TPRG1: variants seen among roughly 807,000 people sequenced by gnomAD.
The protein encoded by TPRG1 is tumor protein p63 regulated 1.
In TPRG1, 29 loss-of-function variants were observed where a neutral mutation model predicts 29.3. That is an observed-to-expected ratio of 0.99 (90% CI 0.74 to 1.35). The LOEUF is 1.35. Ranked by LOEUF, TPRG1 falls within the 40% of genes most tolerant of loss-of-function variation. The pLI, the probability that TPRG1 is intolerant of heterozygous loss-of-function variation, is 0.00. For synonymous variants in TPRG1, 130 were observed against 116.8 expected (o/e 1.11, Z -0.73); for missense variants, 327 against 335.0 (o/e 0.98, Z 0.19).
rs941751253 is a variant in TPRG1 at position 189,253,764 on chromosome 3, C to T, written c.479+14855C>T. ...TCTCCACATCCTCTCCAGCATCTGT[C>T]GTTTCCTAACTTTTTAATGATCACA... On this transcript the variant is annotated intron_variant, in intron 4 of 5. Coordinates refer to ENST00000345063, the MANE Select transcript of TPRG1 (RefSeq NM_198485.4). Among the ~76,000 whole-genome samples the T allele has an allele frequency of 5.9e-5, 9 of 152,242 alleles. No individual in the cohort carries two copies. The South Asian group carries it at 8.3e-4, about 14-fold the overall frequency.
intron 3 of TPRG1, chr3:189,219,510 G>T: frequency 4.1e-6 from 4 of 964,470 alleles, no homozygotes; most frequent in South Asian, 1.7e-5. Context: ...TTTCTTATTG[G>T]CCCTTCTGAA....
intron 1 of TPRG1, among the ~76,000 whole-genome samples, chr3:189,115,422 T>A (rs1310048461): frequency 3.3e-5 from 5 of 152,306 alleles, no homozygotes; most frequent in African/African-American, 9.6e-5. Context: ...TTTGATAATT[T>A]TGTAGGCCAA....
intron 3 of TPRG1, among the ~76,000 whole-genome samples, chr3:189,215,686 A>T: frequency 6.6e-6 from 1 of 152,076 alleles, no homozygotes; most frequent in Admixed American, 6.5e-5. Context: ...TCTCATTCTA[A>T]TCTCTTATTT....
intron 4 of TPRG1, among the ~76,000 whole-genome samples, chr3:189,246,702 C>G (rs1741430554): frequency 6.6e-6 from 1 of 151,888 alleles, no homozygotes; most frequent in Non-Finnish European, 1.5e-5. Context: ...CCTAGTTTTT[C>G]TTTCTGAAAA....
intron 3 of TPRG1, among the ~76,000 whole-genome samples, chr3:189,134,456 A>G (rs1723495737): frequency 8.0e-6 from 1 of 125,372 alleles, no homozygotes; most frequent in African/African-American, 3.0e-5. Context: ...TTTGTTGCCC[A>G]GGATGGAGCA....
chr3:189,282,973 T>C (rs1717414303), intron 4 of TPRG1, among the ~76,000 whole-genome samples: 1 of 152,240 alleles, frequency 6.6e-6, no homozygotes, highest in South Asian at 2.1e-4. Flanking sequence ...CCTTGCATGC[T>C]GGGGCTGGTT....
chr3:189,291,296 A>C (rs915191397), intron 4 of TPRG1, among the ~76,000 whole-genome samples: 2 of 152,100 alleles, frequency 1.3e-5, no homozygotes, highest in Non-Finnish European at 2.9e-5. Flanking sequence ...ATCCAACCAA[A>C]CAGAAATAAT....
At chr3:189,196,652 A>G (rs1186033316) in intron 1 of TPRG1, among the ~76,000 whole-genome samples, 1 of 152,146 alleles carries the variant, frequency 6.6e-6, no homozygotes, top group Non-Finnish European at 1.5e-5. Context: ...GGTCCCTCCC[A>G]TGACACTGTG....
chr3:189,094,129 C>T (rs1718519356), intron 4 of TPRG1, among the ~76,000 whole-genome samples: 1 of 152,124 alleles, frequency 6.6e-6, no homozygotes. Context: ...CCATGAAATT[C>T]TTGGGTTCAG....
chr3:189,090,576 A>G (rs1393375940), intron 4 of TPRG1, among the ~76,000 whole-genome samples: 1 of 152,076 alleles, frequency 6.6e-6, no homozygotes, highest in Non-Finnish European at 1.5e-5. Context: ...AATTAGGTAT[A>G]TAGAAGGTTA....
intron 1 of TPRG1, among the ~76,000 whole-genome samples, chr3:189,109,645 C>T (rs1720266664): frequency 6.6e-6 from 1 of 152,182 alleles, no homozygotes; most frequent in Admixed American, 6.5e-5. Context: ...CTGAGAGGCA[C>T]ACTTGCTTAC....
chr3:189,032,049 A>T (rs2152130027), intron 4 of TPRG1, among the ~76,000 whole-genome samples: 1 of 152,282 alleles, frequency 6.6e-6, no homozygotes, highest in Non-Finnish European at 1.5e-5. Flanking sequence ...CCACATCCTA[A>T]TGTTTGTAAC....
chr3:189,049,671 C>T (rs1715191745), intron 4 of TPRG1, among the ~76,000 whole-genome samples: 1 of 152,192 alleles, frequency 6.6e-6, no homozygotes, highest in South Asian at 2.1e-4. Flanking sequence ...AAAGCGCCAC[C>T]TCCTGGCCCA....
At chr3:189,299,943 G>T (rs368702166) in intron 4 of TPRG1, among the ~76,000 whole-genome samples, 1 of 152,186 alleles carries the variant, frequency 6.6e-6, no homozygotes, top group African/African-American at 2.4e-5. Context: ...GGCTGAGAAA[G>T]TGTTTCTGAA....
intron 3 of TPRG1, among the ~76,000 whole-genome samples, chr3:189,020,506 A>T (rs1713236853): frequency 6.6e-6 from 1 of 151,240 alleles, no homozygotes; most frequent in Non-Finnish European, 1.5e-5. Context: ...GTCATTCAGG[A>T]GCAGGTTGTT....
At chr3:189,010,178 T>C (rs1712522931) in intron 3 of TPRG1, among the ~76,000 whole-genome samples, 1 of 152,196 alleles carries the variant, frequency 6.6e-6, no homozygotes, top group Non-Finnish European at 1.5e-5. Context: ...CCACATTTTC[T>C]TTACCCAGTC....
intron 4 of TPRG1, among the ~76,000 whole-genome samples, chr3:189,031,290 TA>T (rs879452395): frequency 2.0e-4 from 6 of 29,278 alleles, no homozygotes; most frequent in African/African-American, 2.8e-4. Flanking sequence ...GACTCTGTCT[TA>T]AAAAAAAAAA....
chr3:189,035,585 C>T (rs1714212328), intron 4 of TPRG1, among the ~76,000 whole-genome samples: 2 of 151,990 alleles, frequency 1.3e-5, no homozygotes, highest in Admixed American at 6.6e-5. Context: ...ATCCAGCAAG[C>T]AAAAACCAAG....
At chr3:189,008,064 G>GAA (rs34297763) in intron 3 of TPRG1, among the ~76,000 whole-genome samples, 2 of 92,644 alleles carry the variant, frequency 2.2e-5, no homozygotes, top group African/African-American at 7.1e-5. Flanking sequence ...AGAAAAGAAA[G>GAA]AAAAAAAAAA....
Sources: allele counts gnomAD v4.1 joint callset (sites outside exome capture counted in the v4.1 genomes callset), GRCh38; gene constraint gnomAD v4.1.1; transcripts MANE v1.5; gene names NCBI Gene and HGNC (gene_info 2026-07-23, HGNC 2026-07-21).